The following DNMT1 variants were observed in gnomAD, a reference collection of about 807,000 sequenced individuals.
DNMT1 encodes DNA (cytosine-5)-methyltransferase 1.
A neutral mutation model predicts 205.3 loss-of-function variants in DNMT1; 24 were observed. The observed-to-expected ratio is 0.12, with a 90% CI of 0.08 to 0.16. DNMT1 has a LOEUF of 0.16. DNMT1 is among the 10% of genes least tolerant of loss of function. The pLI is 1.00. For synonymous variants in DNMT1, 817 were observed against 839.8 expected, an observed-to-expected ratio of 0.97 and a Z score of 0.47; for missense variants, 1,293 against 2,177.7, an observed-to-expected ratio of 0.59 and a Z score of 8.09.
At chr19:10,172,058 G>A (rs116126851) in intron 9 of DNMT1, among the ~76,000 whole-genome samples, 1,533 of 151,640 alleles carry the variant, frequency 0.01, 25 homozygotes, top group African/African-American at 0.036. Flanking sequence ...AAGTAGCAAA[G>A]ATCCTCGCTA....
chr19:10,194,067 T>C (rs796116746), intron 1 of DNMT1, among the ~76,000 whole-genome samples: 4 of 152,320 alleles, frequency 2.6e-5, no homozygotes, highest in East Asian at 3.9e-4. Flanking sequence ...CAGTTCTCAT[T>C]AGCAAGACTT....
At chr19:10,181,399 A>C (rs1277145995) in intron 2 of DNMT1, among the ~76,000 whole-genome samples, 1 of 151,908 alleles carries the variant, frequency 6.6e-6, no homozygotes, top group Non-Finnish European at 1.5e-5. Flanking sequence ...CAGTGAGCCA[A>C]AATTGTGCCA....
chr19:10,159,983 C>T lies in DNMT1; in HGVS notation c.1089+35G>A, dbSNP rs561688819. On this transcript the variant is annotated intron_variant, in intron 15 of 40. Transcript: ENST00000359526. The surrounding 1 kb of genome is among the most constrained non-coding windows in gnomAD (Gnocchi z 5.0). ...GAGCAGCTCCCAGCCGCCTCGTGAGCGCCGCCACCGGCTTTATTCCCGGCA... is the reference window on the plus strand; with the variant it reads ...GAGCAGCTCCCAGCCGCCTCGTGAGTGCCGCCACCGGCTTTATTCCCGGCA... The T allele has an allele frequency of 9.3e-6, 15 of 1,613,994 alleles. No homozygotes were observed. Among genetic ancestry groups the T allele is most frequent in the Non-Finnish European group, 1.1e-5 (13 of 1,180,034 alleles).
intron 13 of DNMT1, among the ~76,000 whole-genome samples, chr19:10,162,255 C>A (rs909428262): frequency 1.5e-4 from 22 of 151,712 alleles, no homozygotes; most frequent in Non-Finnish European, 2.4e-4. Flanking sequence ...TCTCATGCCT[C>A]AGGCTTCCAA....
intron 1 of DNMT1, among the ~76,000 whole-genome samples, chr19:10,191,965 G>A (rs1156781290): frequency 6.6e-6 from 1 of 152,074 alleles, no homozygotes; most frequent in African/African-American, 2.4e-5. Flanking sequence ...GCGATTACAG[G>A]CACCTGCCAC....
Position 10,166,588 on chromosome 19 carries a change from C to T in DNMT1, c.891+10G>A. 6.2e-7 allele frequency: 1 copy of T among 1,614,090 alleles called. No individual in the cohort carries two copies. The highest frequency in any genetic ancestry group is 1.7e-5 in the Admixed American group (1 of 60,004). ...GAGGGGGAGTTCAGAAACAAATAAC[C>T]CGCCTTTACTTTCTCGTCTCCATCT... On this transcript the variant is annotated intron_variant, in intron 11 of 40. Coordinates refer to ENST00000359526, the MANE Select transcript of DNMT1 (RefSeq NM_001130823.3).
intron 1 of DNMT1, among the ~76,000 whole-genome samples, chr19:10,190,572 G>A (rs1268610723): frequency 2.6e-5 from 4 of 151,882 alleles, no homozygotes; most frequent in African/African-American, 7.3e-5. Context: ...ACACCAGCCT[G>A]GCCAACACGG....
chr19:10,188,076 T>C (rs192224527), intron 1 of DNMT1, among the ~76,000 whole-genome samples: 2 of 152,262 alleles, frequency 1.3e-5, no homozygotes, highest in Admixed American at 1.3e-4. Context: ...CAGTGAGCTA[T>C]AATTGTGCCG....
Position 10,156,093 on chromosome 19 carries a change from C to A in DNMT1, c.1400-148G>T, listed in dbSNP as rs1348284261. 3 of 760,854 alleles carry A rather than the reference C, an allele frequency of 3.9e-6. No homozygotes were observed. Among genetic ancestry groups the A allele is most frequent in the Non-Finnish European group, 4.4e-6 (2 of 449,990 alleles). The allele number at this position is 760,854 out of a possible 1,614,324, so 47.1% of individuals were successfully genotyped here. On this transcript the variant is annotated intron_variant, in intron 18 of 40. Coordinates refer to ENST00000359526, the MANE Select transcript of DNMT1 (RefSeq NM_001130823.3). This position sits in a 1 kb window ranked among gnomAD's most constrained non-coding sequence, Gnocchi z 4.2. ...TGACTTGGCCTACAGCTGCTCCTGG[C>A]ACAAAGTCTCACACCCTAACTTTAA...
intron 9 of DNMT1, 66 bp downstream of exon 9, chr19:10,173,024 G>A (rs2038853023): frequency 1.3e-6 from 2 of 1,586,660 alleles, no homozygotes; most frequent in Non-Finnish European, 1.7e-6. Flanking sequence ...CCCACGTCCT[G>A]GAAGGAAATT....
chr19:10,141,532 C>T (rs973531515), intron 30 of DNMT1: 16 of 378,638 alleles, frequency 4.2e-5, no homozygotes, highest in Middle Eastern at 8.5e-4. Context: ...GGTAACAACA[C>T]GGAAAGGCCA....
At position 10,194,882 on chromosome 19, in the gene DNMT1, G is replaced by T; in HGVS notation, c.18C>A (p.Ala6=). ...CGGCCAGTGTGGGCACCCGGGCTGG[G>T]GCGGTACGCGCCGGCATCTCGGAGG... is the stretch of plus-strand genomic sequence containing the variant. MPART[A]PARVPTLAVP... is the part of the protein sequence containing the mutation. Residue 6 remains alanine (A), a synonymous_variant, in exon 1 of 41, where the codon GCC becomes GCA. Coordinates refer to ENST00000359526, the MANE Select transcript of DNMT1 (RefSeq NM_001130823.3). 1 of 1,610,228 alleles carries T rather than the reference G, an allele frequency of 6.2e-7. No homozygotes were observed.
At chr19:10,135,088 T>C (rs1379484790) in intron 39 of DNMT1, among the ~76,000 whole-genome samples, 1 of 151,736 alleles carries the variant, frequency 6.6e-6, no homozygotes, top group Non-Finnish European at 1.5e-5. Context: ...AGCACATGAC[T>C]GTAATCCCAG....
intron 1 of DNMT1, 75 bp downstream of exon 1, chr19:10,194,745 C>G: frequency 6.6e-7 from 1 of 1,511,152 alleles, no homozygotes. Flanking sequence ...CCACCGGCCA[C>G]CCCGAGGGGA....
rs527796899 is a variant in DNMT1 at position 10,148,084 on chromosome 19, C to T, written c.2720+800G>A. On this transcript the variant is annotated intron_variant, in intron 27 of 40. Transcript: ENST00000359526. The stretch of plus-strand genomic sequence containing the variant: ...TGGGCCAAGATTGAGCCACTGCACT[C>T]CAGCCTGGGCAACAAAAGCGAAACT... 1.8e-3 allele frequency among the ~76,000 whole-genome samples: 252 copies of T among 136,228 alleles called. 1 individual carries two copies. Among genetic ancestry groups the T allele is most frequent in the Non-Finnish European group, 9.1e-4 (59 of 65,168 alleles). The allele number at this position is 136,228 out of a possible 152,430, so 89.4% of individuals were successfully genotyped here. A position where few individuals can be genotyped will look rare whatever the true frequency, so the allele number is the denominator to read the frequency against.
At position 10,148,973 on chromosome 19, in the gene DNMT1, C is replaced by A. The variant is rs758032585; in HGVS notation, c.2631G>T (p.Lys877Asn). The A allele has an allele frequency of 1.2e-6, 2 of 1,614,196 alleles. No homozygotes were observed. ...PESLLEGDDG[K>N]TYFYQLWYDQ... The stretch of plus-strand genomic sequence containing the variant: ...CATACCACAGCTGGTAGAAGTAGGT[C>A]TTCCCGTCGTCCCCCTCCAGCAGGG... Residue 877 changes from lysine to asparagine, a missense_variant, in exon 27 of 41, where the codon AAG becomes AAT. Around this residue, in one of 13 missense-constraint regions of DNMT1, gnomAD observed 112 missense variants for 116.6 expected, o/e 0.96. Transcript: ENST00000359526.
At chr19:10,167,441 C>CT (rs1361134325) in intron 10 of DNMT1, among the ~76,000 whole-genome samples, 34 of 152,174 alleles carry the variant, frequency 2.2e-4, no homozygotes, top group Non-Finnish European at 3.7e-4. Flanking sequence ...AAGTGATCCA[C>CT]CCGCCTCAGC....
At chr19:10,141,305 AC>A in intron 30 of DNMT1, 116 bp from the exon 31 acceptor site, 1 of 997,466 alleles carries the variant, frequency 1.0e-6, no homozygotes, top group South Asian at 1.3e-5. Flanking sequence ...TGGGGCCATG[AC>A]CAATTAGCCA....
chr19:10,181,954 C>A, intron 2 of DNMT1, 87 bp downstream of exon 2: 1 of 1,237,818 alleles, frequency 8.1e-7, no homozygotes, highest in Non-Finnish European at 1.2e-6. Context: ...ATGCAAAATC[C>A]ATTTAAAGAA....
Sources: allele counts gnomAD v4.1 joint callset (sites outside exome capture counted in the v4.1 genomes callset), GRCh38; gene constraint gnomAD v4.1.1; regional missense constraint gnomAD v4.1.1; non-coding constraint Gnocchi (gnomAD v3.1); transcripts MANE v1.5; gene names NCBI Gene and HGNC (gene_info 2026-07-23, HGNC 2026-07-21).